Variants in RASEF observed in about 807,000 individuals in gnomAD.
RASEF encodes ras and EF-hand domain-containing protein.
RASEF carries 68 observed loss-of-function variants against 90.1 expected under a neutral mutation model. The observed-to-expected ratio is 0.75, with a 90% CI of 0.62 to 0.92. The LOEUF is 0.92. Among genes scored for constraint, RASEF ranks in the 40% least tolerant of loss-of-function variants. The pLI is 0.00. For missense variants in RASEF, 949 were observed against 937.2 expected (o/e 1.01, Z -0.16); for synonymous variants, 331 against 345.2 (o/e 0.96, Z 0.46).
chr9:83,117,315 TGTTGTTTATGCATA>T, the RASEF span, among the ~76,000 whole-genome samples: 3 of 152,276 alleles, frequency 2.0e-5, no homozygotes, highest in African/African-American at 7.2e-5. Context: ...TTTGTCCAGG[TGTTGTTTATGCATA>T]GAGCCTATAC....
chr9:83,206,141 G>A, the RASEF span, among the ~76,000 whole-genome samples: 1 of 152,146 alleles, frequency 6.6e-6, no homozygotes, highest in Admixed American at 6.5e-5. Flanking sequence ...TCTCAAAATA[G>A]CTTTGAAATG....
the RASEF span, among the ~76,000 whole-genome samples, chr9:83,197,240 T>G: frequency 6.6e-6 from 1 of 152,256 alleles, no homozygotes; most frequent in East Asian, 1.9e-4. Context: ...ATGGGCATGT[T>G]GATCCCTCAT....
At chr9:83,189,226 T>G in the RASEF span, among the ~76,000 whole-genome samples, 526 of 152,208 alleles carry the variant, frequency 3.5e-3, 1 homozygote, top group Middle Eastern at 0.01. Flanking sequence ...ATCTGAGGGT[T>G]TTATAAGGGG....
At chr9:83,205,963 A>C in the RASEF span, among the ~76,000 whole-genome samples, 1 of 152,254 alleles carries the variant, frequency 6.6e-6, no homozygotes, top group African/African-American at 2.4e-5. Context: ...AAAATATGAA[A>C]TAAGAAGTTG....
the RASEF span, among the ~76,000 whole-genome samples, chr9:83,153,883 T>C: frequency 2.0e-5 from 3 of 152,068 alleles, no homozygotes; most frequent in Non-Finnish European, 4.4e-5. Flanking sequence ...CTCACTGAGG[T>C]CAGGATATTT....
the RASEF span, among the ~76,000 whole-genome samples, chr9:83,104,726 G>A: frequency 6.6e-6 from 1 of 152,190 alleles, no homozygotes; most frequent in South Asian, 2.1e-4. Flanking sequence ...TTGGTAGGAT[G>A]TATCAACTTT....
At chr9:83,133,628 A>G in the RASEF span, among the ~76,000 whole-genome samples, 1 of 152,170 alleles carries the variant, frequency 6.6e-6, no homozygotes, top group Non-Finnish European at 1.5e-5. Context: ...GGATGAAGAC[A>G]ATGAGGCACT....
At chr9:83,003,396 G>A (rs1390234044) in intron 9 of RASEF, among the ~76,000 whole-genome samples, 2 of 152,094 alleles carry the variant, frequency 1.3e-5, no homozygotes, top group African/African-American at 2.4e-5. Flanking sequence ...GGCTTTCATG[G>A]TGTCTAATCT....
chr9:83,210,625 TA>T, the RASEF span, among the ~76,000 whole-genome samples: 3 of 152,262 alleles, frequency 2.0e-5, no homozygotes. Context: ...TTAGTGTCTG[TA>T]CATTGCTTAG....
At chr9:83,104,535 T>A in the RASEF span, among the ~76,000 whole-genome samples, 1 of 152,184 alleles carries the variant, frequency 6.6e-6, no homozygotes, top group East Asian at 1.9e-4. Flanking sequence ...AACCAATGTG[T>A]CTGCCACAGA....
the RASEF span, among the ~76,000 whole-genome samples, chr9:83,115,698 A>T: frequency 6.6e-6 from 1 of 152,170 alleles, no homozygotes; most frequent in African/African-American, 2.4e-5. Context: ...ATACATAGTC[A>T]TAAAAAGGGA....
chr9:83,101,561 A>C, the RASEF span, among the ~76,000 whole-genome samples: 1 of 152,240 alleles, frequency 6.6e-6, no homozygotes, highest in Admixed American at 6.5e-5. Flanking sequence ...TGAGAAGTTA[A>C]TATATAGTGC....
chr9:83,046,203 G>A (rs563080752), intron 1 of RASEF, among the ~76,000 whole-genome samples: 1 of 152,202 alleles, frequency 6.6e-6, no homozygotes, highest in Non-Finnish European at 1.5e-5. Flanking sequence ...ACTAAGCCTA[G>A]TACCCAATAG....
upstream of RASEF, among the ~76,000 whole-genome samples, chr9:83,064,057 C>A (rs905872646): frequency 6.6e-6 from 1 of 152,060 alleles, no homozygotes; most frequent in Non-Finnish European, 1.5e-5. Context: ...CTGTATTTTT[C>A]TTTTATCTCA....
chr9:83,202,740 C>T, the RASEF span, among the ~76,000 whole-genome samples: 2,128 of 152,182 alleles, frequency 0.014, 39 homozygotes, highest in African/African-American at 0.047. Context: ...TCAGGTGATC[C>T]TCCCACCTCG....
rs1353676790 is a variant in RASEF at position 83,009,686 on chromosome 9, T to C, written c.914A>G (p.Asp305Gly). 6.2e-6 allele frequency: 10 copies of C among 1,613,270 alleles called. 1 individual carries two copies. The highest frequency in any genetic ancestry group is 8.5e-6 in the Non-Finnish European group (10 of 1,179,458). ...TNIAFLQSELDALKSDYADQS... is the reference protein window; with the variant it reads ...TNIAFLQSELGALKSDYADQS... ...ATCAGCATAATCACTTTTCAAAGCATCTAACTCACTCTGAAGAAAGGCTAT... is the reference window on the plus strand; with the variant it reads ...ATCAGCATAATCACTTTTCAAAGCACCTAACTCACTCTGAAGAAAGGCTAT... Residue 305 changes from aspartate to glycine, a missense_variant, in exon 6 of 17, where the codon GAT (aspartate) becomes GGT (glycine). Around this residue, in one of 3 missense-constraint regions of RASEF, gnomAD observed 656 missense variants for 592.2 expected, o/e 1.11. Coordinates refer to ENST00000376447, the MANE Select transcript of RASEF (RefSeq NM_152573.4).
chr9:83,217,957 T>C, the RASEF span, among the ~76,000 whole-genome samples: 1 of 151,674 alleles, frequency 6.6e-6, no homozygotes, highest in Non-Finnish European at 1.5e-5. Context: ...TCTGAGGCAC[T>C]CACTGTCTTT....
the RASEF span, among the ~76,000 whole-genome samples, chr9:83,179,051 T>C: frequency 6.6e-6 from 1 of 152,184 alleles, no homozygotes; most frequent in Admixed American, 6.6e-5. Context: ...ATTACTACCC[T>C]CATGACTTTT....
chr9:83,035,166 G>A (rs73469468), intron 1 of RASEF, among the ~76,000 whole-genome samples: 4,437 of 152,254 alleles, frequency 0.029, 199 homozygotes, highest in African/African-American at 0.1. Flanking sequence ...TAGTCCCTGG[G>A]TACATAATAT....
Sources: gnomAD v4.1 joint callset for allele counts (sites outside exome capture counted in the v4.1 genomes callset) on GRCh38, gnomAD v4.1.1 for gene constraint, gnomAD v4.1.1 regional missense constraint, MANE v1.5 for transcripts, NCBI Gene and HGNC (gene_info 2026-07-23, HGNC 2026-07-21) for gene names.